Variants in COMMD10 observed in about 807,000 individuals in gnomAD.
COMMD10 encodes COMM domain-containing protein 10.
COMMD10 carries 33 observed loss-of-function variants against 28.9 expected under a neutral mutation model. The observed-to-expected ratio is 1.14, with a 90% CI of 0.87 to 1.53. The LOEUF (loss-of-function observed/expected upper bound fraction) is 1.53. Among genes scored for constraint, COMMD10 ranks in the 40% most tolerant of loss-of-function variants. The pLI, the probability that COMMD10 is intolerant of heterozygous loss-of-function variation, is 0.00. For missense variants in COMMD10, 310 were observed against 233.4 expected, an observed-to-expected ratio of 1.33 and a Z score of -2.14; for synonymous variants, 110 against 81.7, an observed-to-expected ratio of 1.35 and a Z score of -1.87.
intron 5 of COMMD10, among the ~76,000 whole-genome samples, chr5:116,140,229 C>CTATGTGTGTGTGTGTGTGTGTGTG (rs1752155715): frequency 8.2e-6 from 1 of 122,244 alleles, no homozygotes; most frequent in South Asian, 2.3e-4. Flanking sequence ...ACTCATACTA[C>CTATGTGTGTGTGTGTGTGTGTGTG]TATGTGTGTG....
chr5:116,190,336 AATGT>A (rs1433260631), intron 5 of COMMD10, among the ~76,000 whole-genome samples: 2 of 152,212 alleles, frequency 1.3e-5, no homozygotes, highest in African/African-American at 4.8e-5. Flanking sequence ...TTAATTAATG[AATGT>A]ACAGAGGAAC....
chr5:116,139,800 T>C (rs1031378069), intron 5 of COMMD10, among the ~76,000 whole-genome samples: 2 of 151,732 alleles, frequency 1.3e-5, no homozygotes, highest in Non-Finnish European at 3.0e-5. Context: ...CGGCATGCTG[T>C]TTTGATATAA....
chr5:116,137,302 A>G (rs1752051443), intron 5 of COMMD10, among the ~76,000 whole-genome samples: 1 of 152,084 alleles, frequency 6.6e-6, no homozygotes, highest in Non-Finnish European at 1.5e-5. Flanking sequence ...ATTAAGTAAA[A>G]AGGAATGAGG....
chr5:116,267,608 C>T (rs968642625), intron 5 of COMMD10, among the ~76,000 whole-genome samples: 2 of 151,814 alleles, frequency 1.3e-5, no homozygotes, highest in African/African-American at 2.4e-5. Context: ...CTTTAAAGTT[C>T]ATATGGAACC....
Position 116,292,742 on chromosome 5 carries a change from T to C in COMMD10, c.*253T>C. 1 of 416,050 alleles carries C rather than the reference T, an allele frequency of 2.4e-6. No individual in the cohort carries two copies. Among genetic ancestry groups the C allele is most frequent in the Non-Finnish European group, 4.2e-6 (1 of 235,752 alleles). The allele number at this position is 416,050 out of a possible 1,614,324, so 25.8% of individuals were successfully genotyped here. A position where few individuals can be genotyped will look rare whatever the true frequency, so the allele number is the denominator to read the frequency against. On this transcript the variant is annotated 3_prime_UTR_variant, in exon 7 of 7. Coordinates refer to ENST00000274458, the MANE Select transcript of COMMD10 (RefSeq NM_016144.4). ...ACTTTCCCTTTAAAGGAAACAAAAG[T>C]GAATACCATATTGTTTTTACTGTCA...
chr5:116,157,510 C>G (rs1458959909), intron 5 of COMMD10, among the ~76,000 whole-genome samples: 1 of 152,130 alleles, frequency 6.6e-6, no homozygotes, highest in African/African-American at 2.4e-5. Flanking sequence ...GGGCTGTTCA[C>G]TTGGTTCAGA....
At chr5:116,291,424 A>G (rs765616423) in intron 5 of COMMD10, 93 bp from the exon 6 acceptor site, 24 of 872,006 alleles carry the variant, frequency 2.8e-5, no homozygotes, top group Non-Finnish European at 3.6e-5. Flanking sequence ...TCAGAGGACA[A>G]TCTTATGTCA....
intron 5 of COMMD10, chr5:116,218,225 C>G (rs1749155176): frequency 6.6e-6 from 5 of 758,390 alleles, no homozygotes; most frequent in Non-Finnish European, 1.2e-5. Context: ...CCTTGCAGAT[C>G]TTCTCTGTGG....
intron 5 of COMMD10, among the ~76,000 whole-genome samples, chr5:116,263,096 A>G (rs1049167223): frequency 2.6e-5 from 4 of 151,840 alleles, no homozygotes; most frequent in Non-Finnish European, 5.9e-5. Flanking sequence ...GTTGTGTAGA[A>G]GTTCTTCACG....
intron 4 of COMMD10, among the ~76,000 whole-genome samples, chr5:116,101,936 G>T (rs1290021183): frequency 6.6e-6 from 1 of 152,076 alleles, no homozygotes; most frequent in East Asian, 1.9e-4. Flanking sequence ...AGTTGTTTGG[G>T]TTTTTTGTAC....
At chr5:116,225,415 A>G (rs890795914) in intron 5 of COMMD10, among the ~76,000 whole-genome samples, 1 of 149,688 alleles carries the variant, frequency 6.7e-6, no homozygotes, top group East Asian at 2.0e-4. Context: ...ATTGGGAAAC[A>G]TATGGTGAAA....
intron 4 of COMMD10, among the ~76,000 whole-genome samples, chr5:116,125,419 G>T (rs192175417): frequency 1.3e-5 from 2 of 152,238 alleles, no homozygotes; most frequent in Admixed American, 6.5e-5. Context: ...TGAGAGATGC[G>T]CTGTTAGTCT....
intron 5 of COMMD10, among the ~76,000 whole-genome samples, chr5:116,151,985 T>G (rs1038780243): frequency 6.6e-6 from 1 of 152,224 alleles, no homozygotes; most frequent in East Asian, 1.9e-4. Context: ...CTTTCTCTTG[T>G]GGGTATTTAG....
intron 4 of COMMD10, among the ~76,000 whole-genome samples, chr5:116,106,389 G>A (rs1483345085): frequency 1.3e-5 from 2 of 152,156 alleles, no homozygotes; most frequent in Non-Finnish European, 2.9e-5. Flanking sequence ...TTGCTGAGGA[G>A]TGTTTTACTT....
At chr5:116,283,630 A>G (rs576051789) in intron 5 of COMMD10, among the ~76,000 whole-genome samples, 1 of 151,838 alleles carries the variant, frequency 6.6e-6, no homozygotes, top group Admixed American at 6.5e-5. Context: ...TACAGGCTTA[A>G]GCCTCAAAAT....
intron 5 of COMMD10, 62 bp downstream of exon 5, chr5:116,134,240 C>A: frequency 1.1e-6 from 1 of 884,660 alleles, no homozygotes; most frequent in Non-Finnish European, 1.9e-6. Context: ...ACTTTTTATT[C>A]TTAGCAGTCT....
intron 5 of COMMD10, among the ~76,000 whole-genome samples, chr5:116,234,019 C>T (rs1749596880): frequency 6.6e-6 from 1 of 152,140 alleles, no homozygotes; most frequent in Non-Finnish European, 1.5e-5. Context: ...GGAAGATCTT[C>T]AGTCAGTGAT....
intron 5 of COMMD10, among the ~76,000 whole-genome samples, chr5:116,215,722 A>G (rs977058202): frequency 1.4e-5 from 2 of 145,024 alleles, no homozygotes; most frequent in African/African-American, 5.1e-5. Context: ...ATATATATAT[A>G]TATATATATG....
chr5:116,125,516 C>T (rs1455571927), intron 4 of COMMD10, among the ~76,000 whole-genome samples: 1 of 152,096 alleles, frequency 6.6e-6, no homozygotes, highest in African/African-American at 2.4e-5. Flanking sequence ...GTGAATCTGA[C>T]AATTATGTGA....
Sources: allele counts gnomAD v4.1 joint callset (sites outside exome capture counted in the v4.1 genomes callset), GRCh38; gene constraint gnomAD v4.1.1; transcripts MANE v1.5; gene names NCBI Gene and HGNC (gene_info 2026-07-23, HGNC 2026-07-21).